Variants in DDX60L observed in about 807,000 individuals in gnomAD.
DDX60L encodes the protein DExD/H-box 60 like, also known as probable ATP-dependent RNA helicase DDX60-like.
A neutral mutation model predicts 211.6 loss-of-function variants in DDX60L; 191 were observed. That is an observed-to-expected ratio of 0.90 (90% confidence interval 0.80 to 1.02). DDX60L has a LOEUF of 1.02. Among genes scored for constraint, DDX60L ranks in the 50% least tolerant of loss-of-function variants. The pLI is 0.00. For missense variants in DDX60L, 2,007 were observed against 1,984.1 expected, an observed-to-expected ratio of 1.01 and a Z score of -0.22; for synonymous variants, 706 against 694.1, an observed-to-expected ratio of 1.02 and a Z score of -0.27.
intron 28 of DDX60L, among the ~76,000 whole-genome samples, chr4:168,393,906 G>C (rs983516249): frequency 6.6e-6 from 1 of 152,024 alleles, no homozygotes; most frequent in African/African-American, 2.4e-5. Context: ...AAAGAGTAAA[G>C]GGTTATGACC....
At chr4:168,450,525 T>C (rs1235318962) in intron 8 of DDX60L, among the ~76,000 whole-genome samples, 1 of 151,406 alleles carries the variant, frequency 6.6e-6, no homozygotes, top group African/African-American at 2.4e-5. Context: ...AAGGAAAGAG[T>C]TGCCTCCACT....
At chr4:168,449,677 A>ATAACT (rs1755500644) in intron 8 of DDX60L, among the ~76,000 whole-genome samples, 1 of 144,718 alleles carries the variant, frequency 6.9e-6, no homozygotes, top group Non-Finnish European at 1.5e-5. Context: ...AAAAAAGAAA[A>ATAACT]AAATTACTAA....
At chr4:168,420,429 T>C (rs761894196) in intron 17 of DDX60L, 49 bp from the exon 18 acceptor site, 2 of 1,548,958 alleles carry the variant, frequency 1.3e-6, no homozygotes, top group Non-Finnish European at 1.7e-6. Context: ...AGAAGAGACA[T>C]ATAAAACCTT....
At chr4:168,427,650 T>C (rs2149916462) in intron 13 of DDX60L, among the ~76,000 whole-genome samples, 1 of 152,316 alleles carries the variant, frequency 6.6e-6, no homozygotes, top group Non-Finnish European at 1.5e-5. Context: ...GGGCAGCTTC[T>C]TGGGGATTTG....
intron 28 of DDX60L, 42 bp downstream of exon 28, chr4:168,394,423 T>G (rs1035962811): frequency 6.9e-7 from 1 of 1,440,122 alleles, no homozygotes; most frequent in Non-Finnish European, 9.5e-7. Flanking sequence ...AGCATCATAA[T>G]ATGCACAACT....
chr4:168,408,665 A>T (rs1748169759), intron 22 of DDX60L, among the ~76,000 whole-genome samples: 1 of 152,224 alleles, frequency 6.6e-6, no homozygotes, highest in Admixed American at 6.5e-5. Flanking sequence ...CATACTAAGC[A>T]TTTATCAGAA....
rs778126545 is a variant in DDX60L at position 168,379,417 on chromosome 4, C to T, written c.4309G>A (p.Val1437Ile). The stretch of plus-strand genomic sequence containing the variant: ...AAAAGGCCTCTCTTGAGAAAATTTA[C>T]AAAAACAAGATTTGAAGGTTCATGA... ...HGHEPSNLVF[V>I]NFLKRGLFHN... The change falls in exon 32 of 38, where the codon GTA becomes ATA. Residue 1437 changes from valine (V) to isoleucine (I), a missense_variant. Transcript: ENST00000682922. The T allele has an allele frequency of 1.9e-6, 3 of 1,602,314 alleles. No homozygotes were observed. The highest frequency in any genetic ancestry group is 3.5e-5 in the Admixed American group (2 of 57,066).
chr4:168,479,067 T>A (rs1161710212), intron 1 of DDX60L, among the ~76,000 whole-genome samples: 1 of 152,108 alleles, frequency 6.6e-6, no homozygotes, highest in Non-Finnish European at 1.5e-5. Flanking sequence ...AGTGTATGGA[T>A]CTAGAGATAG....
chr4:168,445,994 A>G (rs1245638747), intron 9 of DDX60L, among the ~76,000 whole-genome samples: 6 of 143,642 alleles, frequency 4.2e-5, no homozygotes, highest in East Asian at 2.0e-4. Context: ...CTCTCTCACC[A>G]CTCCTATTCA....
In DDX60L at chr4:168,395,962, G is replaced by T; in HGVS notation, c.3654C>A (p.Asp1218Glu). 6.3e-7 allele frequency: 1 copy of T among 1,591,506 alleles called. No individual in the cohort carries two copies. The highest frequency in any genetic ancestry group is 8.6e-7 in the Non-Finnish European group (1 of 1,166,050). ...TATTAATAATTCTCTGACGTACTGA[G>T]TCTTTATTCCTGGTAATTTCAGTGT... ...ALHTEITRNK[D>E]STLERVLPRV... Residue 1218 changes from aspartate to glutamate, a missense_variant, in exon 27 of 38, where the codon GAC (aspartate) becomes GAA (glutamate). Coordinates refer to ENST00000682922, the MANE Select transcript of DDX60L (RefSeq NM_001012967.3).
intron 9 of DDX60L, among the ~76,000 whole-genome samples, chr4:168,446,735 C>CAACTATCTG (rs1190718406): frequency 6.9e-6 from 1 of 144,212 alleles, no homozygotes; most frequent in East Asian, 2.0e-4. Flanking sequence ...CGCATATCTA[C>CAACTATCTG]AACTATCTGA....
intron 33 of DDX60L, chr4:168,377,676 G>A (rs913721512): frequency 2.0e-5 from 3 of 152,110 alleles, no homozygotes. Context: ...CAGGTCTGGA[G>A]GTATATCCAG....
At chr4:168,436,509 T>C (rs774796636) in intron 10 of DDX60L, among the ~76,000 whole-genome samples, 1 of 152,212 alleles carries the variant, frequency 6.6e-6, no homozygotes, top group African/African-American at 2.4e-5. Flanking sequence ...CTCAGTAGAA[T>C]AGTCTAACAG....
At position 168,450,209 on chromosome 4, in the gene DDX60L, A is replaced by G. The variant is rs115182536; in HGVS notation, c.997-1430T>C. Reference sequence around the variant, plus strand: ...TGTAAAACCTAAGCCAGTACTTGAGATATTTTGCAGACCTTGCACGTGATG... The same window carrying G: ...TGTAAAACCTAAGCCAGTACTTGAGGTATTTTGCAGACCTTGCACGTGATG... On this transcript the variant is annotated intron_variant, in intron 8 of 37. Transcript: ENST00000682922. Among the ~76,000 whole-genome samples, 644 of 152,264 alleles carry G rather than the reference A, an allele frequency of 4.2e-3. 2 individuals carry two copies. The highest frequency in any genetic ancestry group is 0.015 in the African/African-American group (610 of 41,540).
At chr4:168,466,842 T>C (rs1279162364) in intron 4 of DDX60L, among the ~76,000 whole-genome samples, 2 of 152,196 alleles carry the variant, frequency 1.3e-5, no homozygotes, top group African/African-American at 4.8e-5. Context: ...TGTTGCCTGC[T>C]ACACAGAAAG....
chr4:168,434,504 G>T (rs1397896462), intron 10 of DDX60L, among the ~76,000 whole-genome samples: 1 of 152,238 alleles, frequency 6.6e-6, no homozygotes, highest in Non-Finnish European at 1.5e-5. Context: ...GTGTAAGTCA[G>T]AAATTGCTGT....
chr4:168,425,863 A>C (rs757290641), intron 14 of DDX60L, among the ~76,000 whole-genome samples: 3 of 152,248 alleles, frequency 2.0e-5, no homozygotes, highest in African/African-American at 4.8e-5. Context: ...GAAACTAAGT[A>C]ATAAAAGCAC....
At chr4:168,461,557 T>C (rs903826762) in intron 5 of DDX60L, 142 bp downstream of exon 5, 2 of 621,054 alleles carry the variant, frequency 3.2e-6, no homozygotes, top group African/African-American at 1.9e-5. Flanking sequence ...ATCATTATCA[T>C]TGTTACCATT....
intron 10 of DDX60L, among the ~76,000 whole-genome samples, chr4:168,435,791 G>A (rs1201325514): frequency 6.6e-6 from 1 of 152,050 alleles, no homozygotes; most frequent in East Asian, 1.9e-4. Flanking sequence ...CCATCACATT[G>A]TTCATATTAC....
Sources: allele counts gnomAD v4.1 joint callset (sites outside exome capture counted in the v4.1 genomes callset), GRCh38; gene constraint gnomAD v4.1.1; transcripts MANE v1.5; gene names NCBI Gene and HGNC (gene_info 2026-07-23, HGNC 2026-07-21).